Variants in MIS18A observed in about 807,000 individuals in gnomAD.
MIS18A encodes the protein protein Mis18-alpha.
Under a neutral mutation model 25.0 loss-of-function variants are expected in MIS18A, and 14 were observed. That is an observed-to-expected ratio of 0.56 (90% CI 0.37 to 0.88). MIS18A has a LOEUF of 0.88. Among genes scored for constraint, MIS18A ranks in the 40% least tolerant of loss-of-function variants. The pLI is 0.00. For missense variants in MIS18A, 292 were observed against 290.8 expected (o/e 1.00, Z -0.03); for synonymous variants, 134 against 118.6 (o/e 1.13, Z -0.84).
At chr21:32,189,851 G>A in the MIS18A span, among the ~76,000 whole-genome samples, 1 of 151,940 alleles carries the variant, frequency 6.6e-6, no homozygotes, top group Non-Finnish European at 1.5e-5. Flanking sequence ...TAGTTATCTG[G>A]GTGTATTTCT....
the MIS18A span, among the ~76,000 whole-genome samples, chr21:32,194,899 G>A: frequency 6.6e-6 from 1 of 152,038 alleles, no homozygotes; most frequent in Admixed American, 6.6e-5. Flanking sequence ...AAGGTGGGAG[G>A]GTGGGAAGGG....
chr21:32,208,440 G>A, the MIS18A span, among the ~76,000 whole-genome samples: 2 of 151,998 alleles, frequency 1.3e-5, no homozygotes, highest in African/African-American at 4.8e-5. Context: ...TTCTGCTTTG[G>A]CCATATGAGG....
chr21:32,251,876 GATC>G, the MIS18A span, among the ~76,000 whole-genome samples: 1 of 152,024 alleles, frequency 6.6e-6, no homozygotes, highest in Non-Finnish European at 1.5e-5. Flanking sequence ...CTCTCATATT[GATC>G]AGATGCTACA....
the MIS18A span, among the ~76,000 whole-genome samples, chr21:32,161,723 C>A: frequency 7.4e-6 from 1 of 135,504 alleles, no homozygotes; most frequent in East Asian, 2.1e-4. Context: ...AATGCCTGAT[C>A]TCAGGTGATC....
At chr21:32,268,054 C>T (rs75974896), downstream of MIS18A, among the ~76,000 whole-genome samples, 450 of 152,244 alleles carry the variant, frequency 3.0e-3, 3 homozygotes, top group African/African-American at 0.01. Flanking sequence ...AGTACTGTTC[C>T]GTGACCTCAC....
the MIS18A span, among the ~76,000 whole-genome samples, chr21:32,230,795 G>A: frequency 2.0e-5 from 3 of 151,950 alleles, no homozygotes; most frequent in African/African-American, 7.3e-5. Flanking sequence ...AAAACACAGG[G>A]GTAAGTCTTT....
chr21:32,217,284 A>G, the MIS18A span, among the ~76,000 whole-genome samples: 2 of 152,144 alleles, frequency 1.3e-5, no homozygotes, highest in Non-Finnish European at 2.9e-5. Flanking sequence ...ATACCAATAA[A>G]GAGACAAAAA....
At chr21:32,256,155 G>A in the MIS18A span, among the ~76,000 whole-genome samples, 1 of 152,020 alleles carries the variant, frequency 6.6e-6, no homozygotes, top group African/African-American at 2.4e-5. Context: ...CAGAAACCTC[G>A]TGTATTGCTG....
the MIS18A span, among the ~76,000 whole-genome samples, chr21:32,167,950 T>C: frequency 6.6e-6 from 1 of 152,116 alleles, no homozygotes; most frequent in Non-Finnish European, 1.5e-5. Context: ...AACGATTGTG[T>C]CCCCCCAAAA....
At chr21:32,253,027 G>C in the MIS18A span, among the ~76,000 whole-genome samples, 1 of 152,204 alleles carries the variant, frequency 6.6e-6, no homozygotes, top group African/African-American at 2.4e-5. Context: ...GACCTCTCCA[G>C]CTAGGAAAGG....
the MIS18A span, among the ~76,000 whole-genome samples, chr21:32,210,145 G>A: frequency 4.6e-5 from 7 of 152,112 alleles, no homozygotes; most frequent in African/African-American, 1.2e-4. Flanking sequence ...GGAGGTGCTG[G>A]CACTCACTTC....
chr21:32,184,895 G>A, the MIS18A span, among the ~76,000 whole-genome samples: 3 of 151,914 alleles, frequency 2.0e-5, no homozygotes, highest in East Asian at 1.9e-4. Flanking sequence ...CCCGGCCACC[G>A]CAGCCAACTC....
chr21:32,212,490 G>A, the MIS18A span, among the ~76,000 whole-genome samples: 1 of 152,148 alleles, frequency 6.6e-6, no homozygotes, highest in Admixed American at 6.5e-5. Context: ...CCTCCAGGAG[G>A]GCTGAAACTG....
chr21:32,222,438 G>C, the MIS18A span, among the ~76,000 whole-genome samples: 1 of 151,982 alleles, frequency 6.6e-6, no homozygotes, highest in East Asian at 1.9e-4. Flanking sequence ...TGGACCAAAA[G>C]GACCTAATAG....
At chr21:32,204,510 A>C in the MIS18A span, among the ~76,000 whole-genome samples, 2 of 151,124 alleles carry the variant, frequency 1.3e-5, no homozygotes, top group Non-Finnish European at 3.0e-5. Flanking sequence ...AAAAAAAGAA[A>C]AAAGAAAAAA....
chr21:32,271,925 C>CA (rs1412057398), intron 2 of MIS18A, among the ~76,000 whole-genome samples: 1 of 152,220 alleles, frequency 6.6e-6, no homozygotes, highest in Admixed American at 6.5e-5. Flanking sequence ...AAAGGACACT[C>CA]AGAGAAACCA....
At chr21:32,186,927 A>G in the MIS18A span, among the ~76,000 whole-genome samples, 1 of 152,110 alleles carries the variant, frequency 6.6e-6, no homozygotes, top group African/African-American at 2.4e-5. Context: ...AATGCAGCTG[A>G]ATGATTGACA....
chr21:32,203,940 G>A, the MIS18A span, among the ~76,000 whole-genome samples: 3 of 151,900 alleles, frequency 2.0e-5, no homozygotes, highest in Non-Finnish European at 4.4e-5. Flanking sequence ...TTGAAGAATG[G>A]GTGAGCTTAT....
At chr21:32,156,004 T>C in the MIS18A span, among the ~76,000 whole-genome samples, 90 of 152,250 alleles carry the variant, frequency 5.9e-4, no homozygotes, top group African/African-American at 2.1e-3. Flanking sequence ...GCCATAAAAT[T>C]ACAATCTGAA....
Sources: gnomAD v4.1 joint callset for allele counts (sites outside exome capture counted in the v4.1 genomes callset) on GRCh38, gnomAD v4.1.1 for gene constraint, MANE v1.5 for transcripts, NCBI Gene and HGNC (gene_info 2026-07-23, HGNC 2026-07-21) for gene names.